GAREM1: variants seen among roughly 807,000 people sequenced by gnomAD.
GAREM1 encodes GRB2 associated regulator of MAPK1 subtype 1.
GAREM1 carries 26 observed loss-of-function variants against 71.3 expected under a neutral mutation model. The ratio of observed to expected loss-of-function variants is 0.36; its 90% confidence interval spans 0.27 to 0.51. The LOEUF is 0.51. Ranked by LOEUF, GAREM1 falls within the 20% of genes least tolerant of loss-of-function variation. The pLI is 0.95. For missense variants in GAREM1, 1,026 were observed against 1,103.1 expected, an observed-to-expected ratio of 0.93 and a Z score of 0.99; for synonymous variants, 440 against 433.2, an observed-to-expected ratio of 1.02 and a Z score of -0.20.
At chr18:32,283,279 T>C (rs999241647) in intron 4 of GAREM1, among the ~76,000 whole-genome samples, 1 of 152,224 alleles carries the variant, frequency 6.6e-6, no homozygotes, top group Non-Finnish European at 1.5e-5. Context: ...GCGCAGAGGC[T>C]CATGCCTGTA....
At chr18:32,385,264 C>A (rs1159195271) in intron 2 of GAREM1, among the ~76,000 whole-genome samples, 1 of 151,590 alleles carries the variant, frequency 6.6e-6, no homozygotes, top group African/African-American at 2.4e-5. Flanking sequence ...TACAAAATAT[C>A]TTGGCAAAAA....
rs775277452 is a variant in GAREM1 at position 32,287,357 on chromosome 18, C to T, written c.1240G>A (p.Ala414Thr). Residue 414 changes from alanine (A) to threonine (T), a missense_variant, in exon 4 of 6, where the codon GCT becomes ACT. Coordinates refer to ENST00000269209, the MANE Select transcript of GAREM1 (RefSeq NM_001242409.2). This position sits in a 1 kb window ranked among gnomAD's most constrained non-coding sequence, Gnocchi z 5.9. ...GGCAGGATGTCATGAGGAAAGGGAG[C>T]CCAATCTCCCCCCAGGTCCCTGCAA... is the stretch of plus-strand genomic sequence containing the variant. ...HGCRDLGGDW[A>T]PFPHDILPYQ... The T allele has an allele frequency of 1.2e-6, 2 of 1,614,150 alleles. No homozygotes were observed.
chr18:32,271,041 G>A (rs2041455074), intron 4 of GAREM1, among the ~76,000 whole-genome samples: 1 of 150,516 alleles, frequency 6.6e-6, no homozygotes, highest in African/African-American at 2.5e-5. Flanking sequence ...CGAGAGGTGG[G>A]ACCACAGGTG....
At chr18:32,443,360 T>G (rs1486155658) in intron 1 of GAREM1, among the ~76,000 whole-genome samples, 1 of 152,162 alleles carries the variant, frequency 6.6e-6, no homozygotes, top group Non-Finnish European at 1.5e-5. Flanking sequence ...ATAACCCATA[T>G]AGTAGAAGAA....
chr18:32,334,644 G>A (rs773200203), intron 2 of GAREM1, among the ~76,000 whole-genome samples: 3 of 152,138 alleles, frequency 2.0e-5, no homozygotes, highest in African/African-American at 7.2e-5. Flanking sequence ...GTCCTGACAC[G>A]GCATAACCTA....
At chr18:32,383,791 A>G (rs1031246617) in intron 2 of GAREM1, among the ~76,000 whole-genome samples, 2 of 152,144 alleles carry the variant, frequency 1.3e-5, no homozygotes, top group Non-Finnish European at 1.5e-5. Flanking sequence ...TTTGAACCCC[A>G]TCCCTGTTTT....
chr18:32,288,160 A>G lies in GAREM1; in HGVS notation c.437T>C (p.Ile146Thr), dbSNP rs1336574428. ...GAGTTCATCCCCAGTACACAGGGTG[A>G]TGTTGTAAACTTCAGTGTCTTCATT... is the stretch of plus-strand genomic sequence containing the variant. The part of the protein sequence containing the change: ...ECNEDTEVYN[I>T]TLCTGDELTL... The change falls in exon 4 of 6, where the codon ATC becomes ACC. Residue 146 changes from isoleucine to threonine, a missense_variant. Physicochemically the swap from Ile to Thr is moderately conservative, Grantham distance 89 (BLOSUM62 -1). Coordinates refer to ENST00000269209, the MANE Select transcript of GAREM1 (RefSeq NM_001242409.2). 1 of 1,613,460 alleles carries G rather than the reference A, an allele frequency of 6.2e-7. No individual in the cohort carries two copies.
intron 1 of GAREM1, among the ~76,000 whole-genome samples, chr18:32,419,953 C>T (rs932292076): frequency 1.3e-5 from 2 of 152,148 alleles, no homozygotes; most frequent in African/African-American, 2.4e-5. Flanking sequence ...GTTGTCACCT[C>T]GCCTAAGGTG....
chr18:32,319,836 CTG>C (rs1238967865), intron 2 of GAREM1, among the ~76,000 whole-genome samples: 2 of 152,220 alleles, frequency 1.3e-5, no homozygotes, highest in Non-Finnish European at 2.9e-5. Context: ...GCATAAAAAT[CTG>C]TCTCATTCTT....
chr18:32,412,305 C>A, intron 1 of GAREM1: 13 of 1,591,894 alleles, frequency 8.2e-6, no homozygotes, highest in African/African-American at 1.3e-5. Context: ...CTGGCCTCCA[C>A]CGCCATAGGG....
At chr18:32,453,668 T>A (rs1418967000) in intron 1 of GAREM1, among the ~76,000 whole-genome samples, 1 of 152,168 alleles carries the variant, frequency 6.6e-6, no homozygotes, top group Non-Finnish European at 1.5e-5. Context: ...CAGAATGAAC[T>A]CCTCTTAAGA....
At chr18:32,306,837 G>A (rs1297601514) in intron 3 of GAREM1, among the ~76,000 whole-genome samples, 1 of 152,178 alleles carries the variant, frequency 6.6e-6, no homozygotes, top group East Asian at 1.9e-4. Flanking sequence ...CTGCAGTAGT[G>A]CTGGGCATAT....
In GAREM1 at chr18:32,267,736, T is replaced by C. The variant is rs763466450; in HGVS notation, c.*135A>G. On this transcript the variant is annotated 3_prime_UTR_variant, in exon 6 of 6. Coordinates refer to ENST00000269209, the MANE Select transcript of GAREM1 (RefSeq NM_001242409.2). ...CTGTTCACCATTCAAAAACGTAATC[T>C]GCATAGTAAGAGTTTCTCTTATCCC... 3 of 668,572 alleles carry C rather than the reference T, an allele frequency of 4.5e-6. No homozygotes were observed. Among genetic ancestry groups the C allele is most frequent in the African/African-American group, 1.8e-5 (1 of 55,048 alleles). The allele number at this position is 668,572 out of a possible 1,614,324, so 41.4% of individuals were successfully genotyped here.
rs57549959 is a variant in GAREM1, at chr18:32,299,513, CAAA to C, written c.393+10677_393+10679del. 3.4e-3 allele frequency among the ~76,000 whole-genome samples: 233 copies of C among 69,310 alleles called. 1 individual carries two copies. Among genetic ancestry groups the C allele is most frequent in the African/African-American group, 9.0e-3 (195 of 21,572 alleles). The allele number at this position is 69,310 out of a possible 152,430, so 45.5% of individuals were successfully genotyped here. A position where few individuals can be genotyped will look rare whatever the true frequency, so the allele number is the denominator to read the frequency against. ...TGGGTGACAGAGCAAGACCCCATCT[CAAA>C]AAAAAAAAAAAAAAAAAAAAGTGGC... On this transcript the variant is annotated intron_variant, in intron 3 of 5. Coordinates refer to ENST00000269209, the MANE Select transcript of GAREM1 (RefSeq NM_001242409.2).
chr18:32,317,807 C>T (rs917975455), intron 2 of GAREM1, among the ~76,000 whole-genome samples: 1 of 150,706 alleles, frequency 6.6e-6, no homozygotes, highest in Non-Finnish European at 1.5e-5. Flanking sequence ...TCCTGGAAAT[C>T]GGAACTTGTT....
chr18:32,298,994 G>T (rs373658701), intron 3 of GAREM1, among the ~76,000 whole-genome samples: 4 of 151,926 alleles, frequency 2.6e-5, no homozygotes, highest in African/African-American at 9.7e-5. Flanking sequence ...AAGTACAATG[G>T]CAATGGTTGC....
chr18:32,300,384 A>G (rs2144498697), intron 3 of GAREM1, among the ~76,000 whole-genome samples: 3 of 152,346 alleles, frequency 2.0e-5, no homozygotes, highest in African/African-American at 7.2e-5. Flanking sequence ...CTCGGAAAAC[A>G]AAATAAAAAA....
rs539111382 is a variant in GAREM1 at position 32,299,279 on chromosome 18, C to T, written c.393+10914G>A. Among the ~76,000 whole-genome samples, 17 of 152,094 alleles carry T rather than the reference C, an allele frequency of 1.1e-4. No individual in the cohort carries two copies. The South Asian group carries it at 2.5e-3, about 22-fold the overall frequency. On this transcript the variant is annotated intron_variant, in intron 3 of 5. Transcript: ENST00000269209. ...CCTGTAATCCCAGCACTTTGGGAGG[C>T]GGAGGCGGGCGGATCACGAGGTCAG... is the stretch of plus-strand genomic sequence containing the variant.
chr18:32,270,087 T>C, intron 5 of GAREM1, 130 bp downstream of exon 5: 4 of 976,276 alleles, frequency 4.1e-6, no homozygotes, highest in Non-Finnish European at 6.1e-6. Flanking sequence ...TAAAATTATT[T>C]AGAAAATTAA....
Sources: allele counts gnomAD v4.1 joint callset (sites outside exome capture counted in the v4.1 genomes callset), GRCh38; gene constraint gnomAD v4.1.1; non-coding constraint Gnocchi (gnomAD v3.1); transcripts MANE v1.5; gene names NCBI Gene and HGNC (gene_info 2026-07-23, HGNC 2026-07-21).